The following PSD3 variants were observed in gnomAD, a reference collection of about 807,000 sequenced individuals.
PSD3 encodes PH and SEC7 domain-containing protein 3.
In PSD3, 49 loss-of-function variants were observed where a neutral mutation model predicts 105.5. The ratio of observed to expected loss-of-function variants is 0.46; its 90% confidence interval spans 0.37 to 0.59. The LOEUF is 0.59. PSD3 is among the 20% of genes least tolerant of loss of function. The pLI, the probability that PSD3 is intolerant of heterozygous loss-of-function variation, is 0.00. For synonymous variants in PSD3, 557 were observed against 457.8 expected (o/e 1.22, Z -2.77); for missense variants, 1,561 against 1,263.8 (o/e 1.24, Z -3.57).
intron 9 of PSD3, among the ~76,000 whole-genome samples, chr8:18,752,835 C>G (rs555313681): frequency 2.9e-4 from 43 of 149,228 alleles, no homozygotes; most frequent in African/African-American, 9.2e-4. Flanking sequence ...AAAGAAAGAG[C>G]ATGGAAATGA....
At chr8:19,000,265 T>G (rs1469467679) in intron 1 of PSD3, among the ~76,000 whole-genome samples, 1 of 151,312 alleles carries the variant, frequency 6.6e-6, no homozygotes, top group Non-Finnish European at 1.5e-5. Flanking sequence ...GGCATGTTAG[T>G]GTGTGCCTGT....
chr8:19,040,607 G>A (rs756401051), intron 1 of PSD3, among the ~76,000 whole-genome samples: 10 of 152,204 alleles, frequency 6.6e-5, no homozygotes, highest in African/African-American at 1.2e-4. Context: ...GCCCTGTGGA[G>A]AATAAAGCAC....
At chr8:18,716,986 T>C (rs559615463) in intron 9 of PSD3, among the ~76,000 whole-genome samples, 8 of 152,182 alleles carry the variant, frequency 5.3e-5, no homozygotes, top group Non-Finnish European at 1.2e-4. Flanking sequence ...TCCAGGAAGA[T>C]GTGGTTAATC....
intron 11 of PSD3, among the ~76,000 whole-genome samples, chr8:18,619,365 T>G (rs1230665005): frequency 6.6e-6 from 1 of 152,060 alleles, no homozygotes; most frequent in African/African-American, 2.4e-5. Context: ...CTAAGGCCAC[T>G]GGGGTATGCT....
chr8:18,657,999 G>C (rs994259253), intron 9 of PSD3, among the ~76,000 whole-genome samples: 1 of 152,142 alleles, frequency 6.6e-6, no homozygotes, highest in Non-Finnish European at 1.5e-5. Context: ...TTTGTTCAAA[G>C]AGAAGTAGAA....
chr8:18,947,610 C>T (rs996900747), intron 1 of PSD3, among the ~76,000 whole-genome samples: 8 of 152,136 alleles, frequency 5.3e-5, no homozygotes, highest in Non-Finnish European at 8.8e-5. Flanking sequence ...TGGCTTCCAT[C>T]GACACACATG....
chr8:18,632,841 AC>A, intron 10 of PSD3, 35 bp from the exon 11 acceptor site: 1 of 1,437,640 alleles, frequency 7.0e-7, no homozygotes, highest in Non-Finnish European at 9.5e-7. Context: ...TGAGTCAAGC[AC>A]CTATCATAAT....
At chr8:19,005,992 C>T (rs1422379772) in intron 1 of PSD3, among the ~76,000 whole-genome samples, 1 of 151,874 alleles carries the variant, frequency 6.6e-6, no homozygotes, top group Non-Finnish European at 1.5e-5. Flanking sequence ...AATGGAGACA[C>T]CACCTACCTT....
At chr8:18,837,220 G>T (rs552172030) in intron 4 of PSD3, among the ~76,000 whole-genome samples, 4 of 152,194 alleles carry the variant, frequency 2.6e-5, no homozygotes, top group South Asian at 4.2e-4. Flanking sequence ...GATAGACAGC[G>T]AATGTGAGAC....
chr8:18,602,150 C>T (rs1359940063), intron 11 of PSD3, among the ~76,000 whole-genome samples: 4 of 152,098 alleles, frequency 2.6e-5, no homozygotes, highest in Non-Finnish European at 4.4e-5. Context: ...AGGCTTTCCC[C>T]GAGCCCTAAA....
At chr8:18,812,570 C>G (rs181540782) in intron 4 of PSD3, among the ~76,000 whole-genome samples, 1 of 151,984 alleles carries the variant, frequency 6.6e-6, no homozygotes, top group Admixed American at 6.6e-5. Flanking sequence ...GCCAACTGGT[C>G]CTTTGGGAGG....
At chr8:19,009,370 G>A (rs900311976) in intron 1 of PSD3, among the ~76,000 whole-genome samples, 2 of 152,164 alleles carry the variant, frequency 1.3e-5, no homozygotes, top group East Asian at 1.9e-4. Context: ...AAGAAAATTG[G>A]ATGACCTGAG....
At chr8:19,058,112 C>T (rs1317617679) in intron 1 of PSD3, among the ~76,000 whole-genome samples, 1 of 152,144 alleles carries the variant, frequency 6.6e-6, no homozygotes. Flanking sequence ...CAGAAAGGAA[C>T]AAACTGTTGA....
At chr8:18,686,736 G>T (rs1265857396) in intron 9 of PSD3, among the ~76,000 whole-genome samples, 2 of 152,108 alleles carry the variant, frequency 1.3e-5, no homozygotes, top group Non-Finnish European at 2.9e-5. Flanking sequence ...TTCATTCCAG[G>T]TGAGTGCGTG....
intron 15 of PSD3, among the ~76,000 whole-genome samples, chr8:18,545,853 T>C (rs1406857482): frequency 2.0e-5 from 3 of 152,218 alleles, no homozygotes; most frequent in Non-Finnish European, 4.4e-5. Context: ...CCAGTCTTAA[T>C]GGGACAGGGT....
At chr8:19,003,498 T>C (rs972584437) in intron 1 of PSD3, among the ~76,000 whole-genome samples, 1 of 151,904 alleles carries the variant, frequency 6.6e-6, no homozygotes, top group Admixed American at 6.6e-5. Context: ...AAGCAAAGTG[T>C]AGAGATTATG....
upstream of PSD3, chr8:19,084,771 C>T (rs1418456577): frequency 7.2e-6 from 2 of 278,980 alleles, no homozygotes; most frequent in Non-Finnish European, 7.1e-6. Flanking sequence ...GGCAGCTGAG[C>T]CCTGTGTGCG....
At chr8:18,767,623 T>G (rs1585897924) in intron 8 of PSD3, among the ~76,000 whole-genome samples, 1 of 152,072 alleles carries the variant, frequency 6.6e-6, no homozygotes. Flanking sequence ...GGCGGCCGCC[T>G]GTAACTCCAG....
At chr8:19,063,028 T>C (rs1828956083) in intron 1 of PSD3, among the ~76,000 whole-genome samples, 1 of 152,226 alleles carries the variant, frequency 6.6e-6, no homozygotes, top group Non-Finnish European at 1.5e-5. Flanking sequence ...GTGAGACAGT[T>C]GGACTTGAAG....
Sources: allele counts gnomAD v4.1 joint callset (sites outside exome capture counted in the v4.1 genomes callset), GRCh38; gene constraint gnomAD v4.1.1; transcripts MANE v1.5; gene names NCBI Gene and HGNC (gene_info 2026-07-23, HGNC 2026-07-21).